CCDC197: variants seen among roughly 807,000 people sequenced by gnomAD.
CCDC197 encodes coiled-coil domain containing 197.
CCDC197 carries 24 observed loss-of-function variants against 13.4 expected under a neutral mutation model. That is an observed-to-expected ratio of 1.80 (90% CI 1.30 to 2.53). CCDC197 has a LOEUF of 2.53. Ranked by LOEUF, CCDC197 falls within the 30% of genes most tolerant of loss-of-function variation. CCDC197 has a pLI of 0.00. For synonymous variants in CCDC197, 99 were observed against 55.5 expected (o/e 1.78, Z -3.48); for missense variants, 255 against 148.8 (o/e 1.71, Z -3.71).
At chr14:93,987,251 G>A (rs1032065595) in exon 1 of CCDC197, 7 of 152,326 alleles carry the variant, frequency 4.6e-5, no homozygotes, top group African/African-American at 7.2e-5. Context: ...CGTGCCACAC[G>A]TCCCAGGAAA....
chr14:93,992,512 T>G (rs58583188), upstream of CCDC197, among the ~76,000 whole-genome samples: 23,986 of 152,180 alleles, frequency 0.16, 3,120 homozygotes, highest in East Asian at 0.6. Context: ...AAGAAAACAG[T>G]TGATGATGCC....
intron 4 of CCDC197, 174 bp downstream of exon 4, chr14:94,001,497 C>T (rs888347407): frequency 1.7e-5 from 9 of 537,534 alleles, no homozygotes; most frequent in Admixed American, 1.0e-4. Flanking sequence ...TTCCTCTCCC[C>T]TCTGCTGCCT....
Position 94,003,122 on chromosome 14 carries a change from C to T in CCDC197, c.367-101C>T. ...CCCCAGCCACCCACAAGTATTCCTT[C>T]CTCCTATCCTGTCATTGCACAGACC... On this transcript the variant is annotated intron_variant, in intron 4 of 6. Transcript: ENST00000636493. The surrounding 1 kb of genome is among the most constrained non-coding windows in gnomAD (Gnocchi z 5.0). 1.5e-6 allele frequency: 1 copy of T among 656,030 alleles called. No individual in the cohort carries two copies. The highest frequency in any genetic ancestry group is 2.8e-6 in the Non-Finnish European group (1 of 359,232). The allele number at this position is 656,030 out of a possible 1,614,324, so 40.6% of individuals were successfully genotyped here.
chr14:94,004,210 G>T (rs117380382), intron 5 of CCDC197, among the ~76,000 whole-genome samples: 1 of 152,076 alleles, frequency 6.6e-6, no homozygotes, highest in Non-Finnish European at 1.5e-5. Context: ...CCGGTTCCTC[G>T]CCATAAACGG....
At position 93,999,723 on chromosome 14, in the gene CCDC197, G is replaced by A. The variant is rs45566443; in HGVS notation, c.187+58G>A. 891 of 776,270 alleles carry A rather than the reference G, an allele frequency of 1.1e-3. 1 individual carries two copies. The highest frequency in any genetic ancestry group is 1.8e-3 in the Non-Finnish European group (762 of 416,140). The allele number at this position is 776,270 out of a possible 1,614,324, so 48.1% of individuals were successfully genotyped here. ...TCTCCACAGCCACCTACTGGCTGCAGGACTGCGACACCGTGTGTGGCCTCA... is the reference window on the plus strand; with the variant it reads ...TCTCCACAGCCACCTACTGGCTGCAAGACTGCGACACCGTGTGTGGCCTCA... On this transcript the variant is annotated intron_variant, in intron 3 of 6. Transcript: ENST00000636493.
intron 3 of CCDC197, 139 bp downstream of exon 3, chr14:93,999,804 G>A: frequency 3.1e-6 from 2 of 640,894 alleles, no homozygotes; most frequent in Non-Finnish European, 5.6e-6. Context: ...CAACCCCACA[G>A]TAGTGGGGAA....
downstream of CCDC197, among the ~76,000 whole-genome samples, chr14:94,009,558 G>C (rs1017522224): frequency 2.0e-5 from 3 of 152,112 alleles, no homozygotes; most frequent in African/African-American, 7.2e-5. Context: ...GGGAGAGCCT[G>C]TCTCTATAAA....
At chr14:94,002,118 G>C (rs1303928141) in intron 4 of CCDC197, among the ~76,000 whole-genome samples, 1 of 152,186 alleles carries the variant, frequency 6.6e-6, no homozygotes, top group Non-Finnish European at 1.5e-5. Context: ...TCCAAGGGCT[G>C]GGACTAGGGA....
downstream of CCDC197, among the ~76,000 whole-genome samples, chr14:94,010,500 A>G (rs1344410121): frequency 6.6e-6 from 1 of 152,154 alleles, no homozygotes; most frequent in Non-Finnish European, 1.5e-5. Context: ...CACTGTGCCC[A>G]GTGAGTAGTG....
chr14:93,991,037 G>C lies in CCDC197; in HGVS notation c.-107+3641G>C, dbSNP rs1890202103. Among the ~76,000 whole-genome samples the C allele has an allele frequency of 4.6e-5, 7 of 152,210 alleles. No individual in the cohort carries two copies. In the South Asian group the frequency reaches 1.4e-3, roughly 32 times the overall value. ...CCAAGGGGTGCCTGACCTGCCATTA[G>C]TGTTCTTTTCATGCTGAAGCACGAC... On this transcript the variant is annotated intron_variant, in intron 1 of 7. Coordinates refer to the CCDC197 transcript ENST00000640978.
chr14:93,991,466 G>C (rs1306567884), intron 1 of CCDC197, among the ~76,000 whole-genome samples: 1 of 152,228 alleles, frequency 6.6e-6, no homozygotes, highest in Non-Finnish European at 1.5e-5. Context: ...ACAGGTGGTT[G>C]GTGCGAGAAT....
Position 94,008,787 on chromosome 14 carries a change from C to T in CCDC197, c.794C>T (p.Ala265Val). Reference protein sequence around the residue: ...TPRTPFPSPHASECSGLY With the variant: ...TPRTPFPSPHVSECSGLY ...AGGACCCCCTTTCCCAGCCCCCATG[C>T]TTCAGAGTGCTCCGGCCTGTACTGA... is the stretch of plus-strand genomic sequence containing the variant. Residue 265 changes from alanine (A) to valine (V), a missense_variant, in exon 7 of 7, where the codon GCT becomes GTT. Ala to Val is a moderately conservative substitution (Grantham distance 64, BLOSUM62 0). Transcript: ENST00000636493. 1.4e-6 allele frequency: 1 copy of T among 702,554 alleles called. No homozygotes were observed. The highest frequency in any genetic ancestry group is 2.6e-6 in the Non-Finnish European group (1 of 384,948). The allele number at this position is 702,554 out of a possible 1,614,324, so 43.5% of individuals were successfully genotyped here.
At position 94,001,257 on chromosome 14, in the gene CCDC197, C is replaced by A. The variant is rs919726198; in HGVS notation, c.300C>A (p.Cys100Ter). 3.8e-6 allele frequency: 3 copies of A among 780,722 alleles called. No individual in the cohort carries two copies. In the African/African-American group the frequency reaches 5.1e-5, roughly 13 times the overall value. 48.4% of individuals were successfully genotyped at this position (780,722 alleles called of 1,614,324 possible). Residue 100 changes from cysteine (C) to a stop codon, truncating the protein, a stop_gained, in exon 4 of 7, where the codon TGC becomes TGA. Coordinates refer to ENST00000636493, the MANE Select transcript of CCDC197 (RefSeq NM_001351596.2). LOFTEE classifies it high-confidence loss of function. ...CGCAGAAGCGCCTCGAGGCCTTCTG[C>A]CAGATGATCCAGGCTGTCCACCGGA... ...QDTQKRLEAF[C>*]QMIQAVHRSL...
In CCDC197 at chr14:94,003,418, A is replaced by G. The variant is rs1225643221; in HGVS notation, c.498+64A>G. On this transcript the variant is annotated intron_variant, in intron 5 of 6. Coordinates refer to ENST00000636493, the MANE Select transcript of CCDC197 (RefSeq NM_001351596.2). This position sits in a 1 kb window ranked among gnomAD's most constrained non-coding sequence, Gnocchi z 5.0. ...TGGGGAAGGGGAAGCTGATGTCTCC[A>G]TCATCAATCCCAAAACACACAGACA... is the stretch of plus-strand genomic sequence containing the variant. 4.5e-6 allele frequency: 3 copies of G among 672,940 alleles called. No individual in the cohort carries two copies. The highest frequency in any genetic ancestry group is 4.1e-5 in the Admixed American group (2 of 48,522). 41.7% of individuals were successfully genotyped at this position (672,940 alleles called of 1,614,324 possible).
chr14:93,994,884 C>T (rs946384873), upstream of CCDC197, among the ~76,000 whole-genome samples: 16 of 152,176 alleles, frequency 1.1e-4, no homozygotes, highest in African/African-American at 2.7e-4. Context: ...AACAGCCTCC[C>T]GCTGTGGGAC....
downstream of CCDC197, among the ~76,000 whole-genome samples, chr14:94,010,730 C>T (rs1164212640): frequency 1.3e-5 from 2 of 152,144 alleles, no homozygotes; most frequent in African/African-American, 2.4e-5. Flanking sequence ...TGGGGGACCA[C>T]GTGGGGCCCC....
At chr14:93,987,848 C>T (rs752341094) in intron 1 of CCDC197, among the ~76,000 whole-genome samples, 11 of 151,024 alleles carry the variant, frequency 7.3e-5, no homozygotes, top group Non-Finnish European at 1.5e-4. Context: ...GCCATGAGCC[C>T]TGCTAAGTGC....
In CCDC197 at chr14:94,001,256, G is replaced by A; in HGVS notation, c.299G>A (p.Cys100Tyr). 1 of 780,874 alleles carries A rather than the reference G, an allele frequency of 1.3e-6. No individual in the cohort carries two copies. The highest frequency in any genetic ancestry group is 2.4e-6 in the Non-Finnish European group (1 of 418,024). 48.4% of individuals were successfully genotyped at this position (780,874 alleles called of 1,614,324 possible). ...ACGCAGAAGCGCCTCGAGGCCTTCT[G>A]CCAGATGATCCAGGCTGTCCACCGG... ...QDTQKRLEAF[C>Y]QMIQAVHRSL... The change falls in exon 4 of 7, where the codon TGC becomes TAC. Residue 100 changes from cysteine (C) to tyrosine (Y), a missense_variant. Cys to Tyr is a radical substitution (Grantham distance 194). Coordinates refer to ENST00000636493, the MANE Select transcript of CCDC197 (RefSeq NM_001351596.2).
intron 1 of CCDC197, among the ~76,000 whole-genome samples, chr14:93,989,951 C>G (rs1890177971): frequency 6.6e-6 from 1 of 152,214 alleles, no homozygotes; most frequent in Non-Finnish European, 1.5e-5. Flanking sequence ...CGGGCCTGTT[C>G]TTAGCTCCTA....
Sources: allele counts gnomAD v4.1 joint callset (sites outside exome capture counted in the v4.1 genomes callset), GRCh38; gene constraint gnomAD v4.1.1; non-coding constraint Gnocchi (gnomAD v3.1); transcripts MANE v1.5; gene names NCBI Gene and HGNC (gene_info 2026-07-23, HGNC 2026-07-21).